The following ITGA8 variants were observed in gnomAD, a reference collection of about 807,000 sequenced individuals.
ITGA8 encodes the protein integrin subunit alpha 8.
In ITGA8, 91 loss-of-function variants were observed where a neutral mutation model predicts 142.3. The observed-to-expected ratio is 0.64, with a 90% CI of 0.54 to 0.76. The LOEUF (loss-of-function observed/expected upper bound fraction) is 0.76, where lower values mean the gene tolerates loss of function less well. ITGA8 is among the 30% of genes least tolerant of loss of function. The pLI is 0.00. For synonymous variants in ITGA8, 505 were observed against 485.2 expected, an observed-to-expected ratio of 1.04 and a Z score of -0.54; for missense variants, 1,406 against 1,327.7, an observed-to-expected ratio of 1.06 and a Z score of -0.92.
chr10:15,520,729 C>T (rs933581276), intron 28 of ITGA8, among the ~76,000 whole-genome samples: 28 of 152,228 alleles, frequency 1.8e-4, no homozygotes, highest in African/African-American at 5.8e-4. Flanking sequence ...TATTCACTAA[C>T]GTAGTATTCC....
chr10:15,591,028 T>G (rs1189378625), intron 22 of ITGA8, among the ~76,000 whole-genome samples: 2 of 152,204 alleles, frequency 1.3e-5, no homozygotes, highest in Non-Finnish European at 2.9e-5. Context: ...TATATATTTT[T>G]AAAAAATCCT....
intron 13 of ITGA8, among the ~76,000 whole-genome samples, chr10:15,631,931 G>A (rs1833693008): frequency 6.6e-6 from 1 of 151,924 alleles, no homozygotes; most frequent in African/African-American, 2.4e-5. Flanking sequence ...AAGGAAGTTA[G>A]TTCAAACTTA....
intron 26 of ITGA8, among the ~76,000 whole-genome samples, chr10:15,557,823 T>C (rs1243528197): frequency 1.3e-5 from 2 of 152,250 alleles, no homozygotes; most frequent in African/African-American, 2.4e-5. Flanking sequence ...TCACAGTTGA[T>C]GTTTTCACCA....
At chr10:15,617,549 C>T (rs143072468) in intron 13 of ITGA8, among the ~76,000 whole-genome samples, 4,073 of 152,212 alleles carry the variant, frequency 0.027, 69 homozygotes, top group Non-Finnish European at 0.04. Flanking sequence ...CAGGCACCTG[C>T]CACAACGCCT....
At chr10:15,520,149 T>C (rs913750507) in intron 28 of ITGA8, among the ~76,000 whole-genome samples, 23 of 152,112 alleles carry the variant, frequency 1.5e-4, no homozygotes, top group African/African-American at 5.1e-4. Flanking sequence ...CGGTGGCTCA[T>C]GCCTGTAATC....
intron 27 of ITGA8, among the ~76,000 whole-genome samples, chr10:15,538,436 C>T (rs893667841): frequency 1.4e-5 from 2 of 145,778 alleles, no homozygotes; most frequent in Non-Finnish European, 3.0e-5. Context: ...CGCTTGAACC[C>T]GGGAGACGAT....
intron 13 of ITGA8, among the ~76,000 whole-genome samples, chr10:15,624,525 AG>A (rs1833547411): frequency 6.6e-6 from 1 of 152,164 alleles, no homozygotes. Context: ...ACTGAGAGAC[AG>A]CCAGTTTCTG....
intron 28 of ITGA8, among the ~76,000 whole-genome samples, chr10:15,524,451 C>G (rs1833129052): frequency 6.6e-6 from 1 of 152,156 alleles, no homozygotes; most frequent in South Asian, 2.1e-4. Flanking sequence ...ACATATTTCT[C>G]TGAATCAGGC....
At chr10:15,522,103 C>T (rs535621827) in intron 28 of ITGA8, among the ~76,000 whole-genome samples, 11 of 152,152 alleles carry the variant, frequency 7.2e-5, no homozygotes, top group South Asian at 6.2e-4. Flanking sequence ...TGAAATGTTC[C>T]CAACACAAAG....
chr10:15,556,089 C>T (rs1407835894), intron 26 of ITGA8, among the ~76,000 whole-genome samples: 2 of 137,686 alleles, frequency 1.5e-5, no homozygotes, highest in East Asian at 4.4e-4. Context: ...TGCAGTGGCA[C>T]GATCTCGACT....
chr10:15,550,134 A>T (rs1312411469), intron 26 of ITGA8, among the ~76,000 whole-genome samples: 1 of 152,106 alleles, frequency 6.6e-6, no homozygotes, highest in Non-Finnish European at 1.5e-5. Context: ...ATGGCTTTAT[A>T]AGGGGTTTCC....
At chr10:15,595,541 C>T (rs1422076836) in intron 21 of ITGA8, among the ~76,000 whole-genome samples, 3 of 152,194 alleles carry the variant, frequency 2.0e-5, no homozygotes, top group Non-Finnish European at 2.9e-5. Context: ...AATTGACATA[C>T]TTTCACATAA....
chr10:15,592,921 C>G (rs1426657678), intron 21 of ITGA8, among the ~76,000 whole-genome samples: 1 of 152,180 alleles, frequency 6.6e-6, no homozygotes, highest in Non-Finnish European at 1.5e-5. Flanking sequence ...TATGATGCTT[C>G]TGTTTGATGG....
rs115002580 is a variant in ITGA8 at position 15,712,298 on chromosome 10, A to G, written c.343+6468T>C. 2.4e-3 allele frequency among the ~76,000 whole-genome samples: 373 copies of G among 152,292 alleles called. 2 individuals carry two copies. The highest frequency in any genetic ancestry group is 8.5e-3 in the African/African-American group (354 of 41,568). ...TATCTTGCTCAAAAATCCATGTTCA[A>G]TGGCTGGGTGTGGCGGCTCATGCCT... On this transcript the variant is annotated intron_variant, in intron 2 of 29. Transcript: ENST00000378076.
chr10:15,690,716 A>G (rs1178677275), intron 2 of ITGA8, among the ~76,000 whole-genome samples: 1 of 152,230 alleles, frequency 6.6e-6, no homozygotes, highest in African/African-American at 2.4e-5. Flanking sequence ...TCTTGCTATC[A>G]AAAAGCCTAA....
chr10:15,702,893 A>G (rs11253609), intron 2 of ITGA8, among the ~76,000 whole-genome samples: 4,040 of 152,316 alleles, frequency 0.027, 115 homozygotes, highest in South Asian at 0.095. Context: ...ATAAGGTAGC[A>G]AGTGAAAGGC....
In ITGA8 at chr10:15,715,585, T is replaced by C. The variant is rs748879634; in HGVS notation, c.343+3181A>G. 3.3e-5 allele frequency among the ~76,000 whole-genome samples: 5 copies of C among 152,212 alleles called. 1 individual carries two copies. Among genetic ancestry groups the C allele is most frequent in the Non-Finnish European group, 7.3e-5 (5 of 68,038 alleles). On this transcript the variant is annotated intron_variant, in intron 2 of 29. Coordinates refer to ENST00000378076, the MANE Select transcript of ITGA8 (RefSeq NM_003638.3). ...CCTTATTTACAGAATGAGTTTTACATAGTTGTTTTGATTTGTTTTATGTAG... is the reference window on the plus strand; with the variant it reads ...CCTTATTTACAGAATGAGTTTTACACAGTTGTTTTGATTTGTTTTATGTAG...
rs761532163 is a variant in ITGA8 at position 15,604,340 on chromosome 10, T to C, written c.1986A>G (p.Val662=). The C allele has an allele frequency of 1.2e-6, 2 of 1,610,096 alleles. No homozygotes were observed. Among genetic ancestry groups the C allele is most frequent in the South Asian group, 2.2e-5 (2 of 90,052 alleles). The change falls in exon 20 of 30, where the codon GTA becomes GTG. Residue 662 remains valine, a synonymous_variant. Transcript: ENST00000378076. ...TAAGGTGATTTTCATCTCCAATGAT[T>C]ACCTGATGCTTATCTCTAAAAATGC... The part of the protein sequence containing the change: ...KLSARPDKHQ[V]IIGDENHLML...
chr10:15,662,591 G>A (rs1934946), intron 8 of ITGA8, among the ~76,000 whole-genome samples: 75,360 of 151,658 alleles, frequency 0.5, 19,641 homozygotes, highest in South Asian at 0.69. Context: ...CACCTGCTTC[G>A]GCCTCCTAGA....
Sources: gnomAD v4.1 joint callset for allele counts (sites outside exome capture counted in the v4.1 genomes callset) on GRCh38, gnomAD v4.1.1 for gene constraint, MANE v1.5 for transcripts, NCBI Gene and HGNC (gene_info 2026-07-23, HGNC 2026-07-21) for gene names.